Variants in MYH16 observed in about 807,000 individuals in gnomAD.
The protein encoded by MYH16 is putative uncharacterized protein MYH16.
At chr7:99,244,547 G>T (rs1005423644) in intron 2 of MYH16, among the ~76,000 whole-genome samples, 1 of 152,144 alleles carries the variant, frequency 6.6e-6, no homozygotes. Flanking sequence ...AGCTGCTGGG[G>T]GTTCCCCTTC....
intron 39 of MYH16, among the ~76,000 whole-genome samples, chr7:99,303,920 C>T (rs550071032): frequency 6.6e-5 from 10 of 152,240 alleles, no homozygotes; most frequent in South Asian, 2.1e-4. Flanking sequence ...AGCCTGGGGA[C>T]GCAGTGGAGG....
intron 36 of MYH16, among the ~76,000 whole-genome samples, chr7:99,298,617 C>A (rs1792539083): frequency 6.6e-6 from 1 of 152,208 alleles, no homozygotes; most frequent in South Asian, 2.1e-4. Flanking sequence ...GTTTGTATAT[C>A]TTCGGAGAAA....
intron 5 of MYH16, among the ~76,000 whole-genome samples, chr7:99,250,819 A>G (rs531566941): frequency 5.3e-5 from 8 of 152,216 alleles, no homozygotes; most frequent in Non-Finnish European, 1.0e-4. Flanking sequence ...GTGAGGAAAC[A>G]GTAGCTAGGG....
At chr7:99,287,533 C>CAA (rs397889162) in intron 28 of MYH16, among the ~76,000 whole-genome samples, 6,920 of 46,460 alleles carry the variant, frequency 0.15, 463 homozygotes, top group African/African-American at 0.25. Flanking sequence ...AACTTCTTCT[C>CAA]AAAAAAAAAA....
intron 12 of MYH16, chr7:99,260,638 T>C (rs948370031): frequency 4.5e-6 from 1 of 221,148 alleles, no homozygotes; most frequent in African/African-American, 2.3e-5. Flanking sequence ...ATGGGAACAT[T>C]GAGGCACAGA....
At chr7:99,277,393 A>G (rs1308047639) in intron 20 of MYH16, 146 bp from the exon 3 acceptor site, 4 of 338,684 alleles carry the variant, frequency 1.2e-5, no homozygotes, top group African/African-American at 2.2e-5. Context: ...GTGGAGAGGG[A>G]CCCCACCCGC....
exon 29 of MYH16, chr7:99,288,075 C>T: frequency 2.2e-6 from 1 of 456,766 alleles, no homozygotes; most frequent in South Asian, 1.5e-5. Flanking sequence ...GAAAGATAAA[C>T]AGGTCATGAA....
chr7:99,295,836 G>GAAAAAAAAAA (rs869299904), intron 33 of MYH16, among the ~76,000 whole-genome samples: 3 of 56,790 alleles, frequency 5.3e-5, no homozygotes, highest in Non-Finnish European at 9.9e-5. Context: ...TCATCTCTTG[G>GAAAAAAAAAA]AAAAAAAAAA....
rs968353742 is a variant in MYH16 at position 99,284,945 on chromosome 7, G to C, written n.3316+10G>C. 5 of 456,498 alleles carry C rather than the reference G, an allele frequency of 1.1e-5. No homozygotes were observed. The highest frequency in any genetic ancestry group is 7.0e-5 in the Admixed American group (3 of 42,564). 28.3% of individuals were successfully genotyped at this position (456,498 alleles called of 1,614,324 possible). ...ACTGAAGGAGCACCAGGTATGTCCA[G>C]GACCGAGAAGCATGAGCTCTCTGTC... On this transcript the variant is annotated intron_variant and non_coding_transcript_variant, in intron 26 of 41. Coordinates refer to ENST00000439784, the Ensembl canonical transcript of MYH16.
intron 11 of MYH16, among the ~76,000 whole-genome samples, chr7:99,259,300 GT>G (rs773471160): frequency 2.9e-4 from 44 of 152,122 alleles, no homozygotes; most frequent in Non-Finnish European, 3.7e-4. Context: ...AAAGAAAATG[GT>G]TATTTCTTCA....
chr7:99,302,722 A>G (rs990001377), intron 38 of MYH16, among the ~76,000 whole-genome samples: 3 of 151,924 alleles, frequency 2.0e-5, no homozygotes, highest in African/African-American at 7.3e-5. Context: ...CTCTAAAAAC[A>G]TATGAAAAAT....
intron 1 of MYH16, chr7:99,243,153 C>T (rs542557648): frequency 6.6e-6 from 1 of 152,582 alleles, no homozygotes. Context: ...GTGGCTGGAC[C>T]AGGACTTGGG....
At chr7:99,265,268 C>T (rs904810709) in intron 16 of MYH16, 5 of 152,630 alleles carry the variant, frequency 3.3e-5, no homozygotes, top group African/African-American at 9.7e-5. Flanking sequence ...TTAAGTCCAC[C>T]TTTCATCACC....
chr7:99,283,747 C>T, intron 24 of MYH16, 96 bp downstream of exon 6: 1 of 444,522 alleles, frequency 2.2e-6, no homozygotes, highest in South Asian at 1.6e-5. Context: ...TGGACCAACA[C>T]ATCCCCCGGG....
At chr7:99,284,327 A>C (rs1169042692) in intron 25 of MYH16, among the ~76,000 whole-genome samples, 2 of 152,202 alleles carry the variant, frequency 1.3e-5, no homozygotes, top group East Asian at 1.9e-4. Context: ...ACAGTGGCTC[A>C]CACCTGTAAT....
chr7:99,287,708 C>A, intron 28 of MYH16, 184 bp from the exon 10 acceptor site: 1 of 352,316 alleles, frequency 2.8e-6, no homozygotes, highest in Non-Finnish European at 5.6e-6. Context: ...ATTTAACACA[C>A]AACACCTCTA....
intron 32 of MYH16, among the ~76,000 whole-genome samples, 190 bp downstream of exon 13, chr7:99,292,698 G>A (rs559455798): frequency 1.3e-5 from 2 of 152,342 alleles, no homozygotes; most frequent in East Asian, 3.9e-4. Flanking sequence ...GGTGGCTCAT[G>A]CCTGTAATTC....
intron 40 of MYH16, chr7:99,305,515 T>C (rs1303527109): frequency 6.6e-6 from 1 of 152,270 alleles, no homozygotes; most frequent in Non-Finnish European, 1.5e-5. Flanking sequence ...CAAGAGAAAG[T>C]GTCTGACAAT....
chr7:99,281,814 C>T (rs1792202003), intron 23 of MYH16, among the ~76,000 whole-genome samples: 1 of 152,168 alleles, frequency 6.6e-6, no homozygotes, highest in African/African-American at 2.4e-5. Flanking sequence ...TGACCGGCCA[C>T]CAGTGCTGAC....
Sources: gnomAD v4.1 joint callset for allele counts (sites outside exome capture counted in the v4.1 genomes callset) on GRCh38, gnomAD v4.1.1 for gene constraint, MANE v1.5 for transcripts, NCBI Gene and HGNC (gene_info 2026-07-23, HGNC 2026-07-21) for gene names.